Variants in LUZP1 observed in about 807,000 individuals in gnomAD.
The protein encoded by LUZP1 is leucine zipper protein 1, also known as filamin mechanobinding actin cross-linking protein.
In LUZP1, 25 loss-of-function variants were observed where a neutral mutation model predicts 71.3. That is an observed-to-expected ratio of 0.35 (90% CI 0.26 to 0.49). The LOEUF is 0.49. LUZP1 is among the 20% of genes least tolerant of loss of function. The pLI is 0.99. For synonymous variants in LUZP1, 481 were observed against 506.4 expected (o/e 0.95, Z 0.67); for missense variants, 1,142 against 1,300.8 (o/e 0.88, Z 1.88).
chr1:23,086,438 A>G (rs1643767813), exon 5 of LUZP1: 1 of 152,636 alleles, frequency 6.6e-6, no homozygotes, highest in African/African-American at 2.4e-5. Context: ...TCAACAGGAC[A>G]TTTTGAGTAG....
exon 4 of LUZP1, chr1:23,091,587 T>C (rs765205403): frequency 1.2e-6 from 2 of 1,614,182 alleles, no homozygotes; most frequent in South Asian, 1.1e-5. Context: ...TGGAGGTGCA[T>C]GGCTATTCCT....
At chr1:23,100,286 A>G (rs1643920716) in intron 3 of LUZP1, among the ~76,000 whole-genome samples, 1 of 152,312 alleles carries the variant, frequency 6.6e-6, no homozygotes, top group African/African-American at 2.4e-5. Flanking sequence ...ATTAACAGAA[A>G]ATAATAAGAA....
At chr1:23,113,280 T>C (rs527606062) in intron 2 of LUZP1, among the ~76,000 whole-genome samples, 1 of 152,162 alleles carries the variant, frequency 6.6e-6, no homozygotes, top group South Asian at 2.1e-4. Context: ...TGGTGATACA[T>C]GCCTGTGGTC....
chr1:23,128,055 T>C (rs1367101425), intron 2 of LUZP1, among the ~76,000 whole-genome samples: 1 of 151,874 alleles, frequency 6.6e-6, no homozygotes, highest in African/African-American at 2.4e-5. Flanking sequence ...CGCTTGAACC[T>C]GGGAGGCGGA....
At chr1:23,121,677 G>A (rs1644130701) in intron 2 of LUZP1, among the ~76,000 whole-genome samples, 1 of 152,174 alleles carries the variant, frequency 6.6e-6, no homozygotes, top group African/African-American at 2.4e-5. Flanking sequence ...CCGAGATCAA[G>A]TCACTGCACT....
intron 2 of LUZP1, among the ~76,000 whole-genome samples, chr1:23,155,599 G>T (rs1048636747): frequency 1.6e-4 from 24 of 152,200 alleles, no homozygotes; most frequent in Admixed American, 1.4e-3. Context: ...ATAGAAGTCA[G>T]CAACTGGTTT....
chr1:23,084,513 T>C (rs747428976), exon 5 of LUZP1: 2 of 152,202 alleles, frequency 1.3e-5, no homozygotes, highest in Non-Finnish European at 2.9e-5. Context: ...AGCATCCTTA[T>C]CTGCAAAGTC....
At chr1:23,092,230 T>G (rs957593122) in exon 4 of LUZP1, 4 of 1,614,170 alleles carry the variant, frequency 2.5e-6, no homozygotes, top group Middle Eastern at 1.6e-4. Context: ...TCTGGAGTGA[T>G]GGTTGTATTT....
At chr1:23,127,163 C>G (rs1468628748) in intron 2 of LUZP1, among the ~76,000 whole-genome samples, 1 of 152,196 alleles carries the variant, frequency 6.6e-6, no homozygotes. Context: ...GCACACATTA[C>G]TAAGTGCTTT....
intron 2 of LUZP1, among the ~76,000 whole-genome samples, chr1:23,122,010 T>A (rs2124668598): frequency 6.6e-6 from 1 of 152,234 alleles, no homozygotes; most frequent in Non-Finnish European, 1.5e-5. Context: ...AGAGTCTGTC[T>A]TAAAAATAAA....
chr1:23,172,845 T>G (rs965304888), intron 1 of LUZP1, among the ~76,000 whole-genome samples: 9 of 151,560 alleles, frequency 5.9e-5, no homozygotes, highest in African/African-American at 1.9e-4. Context: ...TTATTTTTAT[T>G]TTTTTTGAGA....
rs188031200 is a variant in LUZP1, at chr1:23,157,822, A to C, written c.-226+10944T>G. On this transcript the variant is annotated intron_variant, in intron 2 of 4. Coordinates refer to ENST00000302291, the Ensembl canonical transcript of LUZP1. ...AAACAAAACAAAACAAAACAAAAAT[A>C]ATACATAAATCTTGCCCCTACCAAA... 9.5e-5 allele frequency among the ~76,000 whole-genome samples: 14 copies of C among 147,126 alleles called. 1 individual carries two copies. In the East Asian group the frequency reaches 2.8e-3, roughly 29 times the overall value.
intron 1 of LUZP1, among the ~76,000 whole-genome samples, chr1:23,174,596 C>T (rs1260150332): frequency 6.6e-6 from 1 of 152,196 alleles, no homozygotes; most frequent in African/African-American, 2.4e-5. Context: ...CATGTCTAAA[C>T]TTGCACTTTC....
chr1:23,111,610 G>C (rs1209859756), intron 2 of LUZP1, among the ~76,000 whole-genome samples: 1 of 152,096 alleles, frequency 6.6e-6, no homozygotes, highest in Non-Finnish European at 1.5e-5. Flanking sequence ...CCAAGAGATA[G>C]CTTAGGTGGA....
chr1:23,118,065 G>A (rs1203972199), intron 2 of LUZP1, among the ~76,000 whole-genome samples: 2 of 151,840 alleles, frequency 1.3e-5, no homozygotes, highest in African/African-American at 2.4e-5. Flanking sequence ...ACTCCACCCT[G>A]GGCGACAGAG....
exon 5 of LUZP1, chr1:23,088,665 A>G (rs150563959): frequency 1.5e-4 from 72 of 479,484 alleles, no homozygotes; most frequent in African/African-American, 1.2e-3. Context: ...GGAGAGAGAG[A>G]GGACTCGTGC....
At chr1:23,092,563 G>C (rs1643867614) in exon 4 of LUZP1, 2 of 1,614,218 alleles carry the variant, frequency 1.2e-6, no homozygotes, top group South Asian at 2.2e-5. Flanking sequence ...GATGAGGCCA[G>C]GGCTCCAATG....
intron 2 of LUZP1, among the ~76,000 whole-genome samples, chr1:23,110,635 TACAC>T (rs1553137224): frequency 1.0e-3 from 42 of 41,924 alleles, no homozygotes; most frequent in Admixed American, 2.8e-3. Context: ...CGCGCACACA[TACAC>T]ACACACACAC....
At chr1:23,147,299 G>T (rs1225145355) in intron 2 of LUZP1, among the ~76,000 whole-genome samples, 1 of 150,804 alleles carries the variant, frequency 6.6e-6, no homozygotes, top group Admixed American at 6.6e-5. Context: ...AAATTAGCAA[G>T]GCATGGTGGT....
Sources: gnomAD v4.1 joint callset for allele counts (sites outside exome capture counted in the v4.1 genomes callset) on GRCh38, gnomAD v4.1.1 for gene constraint, MANE v1.5 for transcripts, NCBI Gene and HGNC (gene_info 2026-07-23, HGNC 2026-07-21) for gene names.